Variants in TRIP11 observed in about 807,000 individuals in gnomAD.
TRIP11 encodes the protein thyroid receptor-interacting protein 11.
A neutral mutation model predicts 223.1 loss-of-function variants in TRIP11; 148 were observed. The observed-to-expected ratio is 0.66, with a 90% CI of 0.58 to 0.76. The LOEUF (loss-of-function observed/expected upper bound fraction) is 0.76. Ranked by LOEUF, TRIP11 falls within the 30% of genes least tolerant of loss-of-function variation. The probability of loss-of-function intolerance (pLI) is 0.00; values close to 1 mark genes in which losing one functional copy is unlikely to be tolerated. For synonymous variants in TRIP11, 762 were observed against 772.6 expected (o/e 0.99, Z 0.23); for missense variants, 2,043 against 2,222.0 (o/e 0.92, Z 1.62).
At chr14:92,007,149 C>T (rs1043648496) in intron 10 of TRIP11, among the ~76,000 whole-genome samples, 2 of 151,864 alleles carry the variant, frequency 1.3e-5, no homozygotes, top group African/African-American at 2.4e-5. Flanking sequence ...CTCAGCCTCC[C>T]GAGTAGCTGG....
At chr14:92,036,141 T>G (rs7151444) in intron 1 of TRIP11, among the ~76,000 whole-genome samples, 68,701 of 152,004 alleles carry the variant, frequency 0.45, 16,908 homozygotes, top group African/African-American at 0.66. Context: ...AGAGGACAAG[T>G]TATAATCTAA....
At chr14:92,025,971 T>C (rs925630497) in intron 2 of TRIP11, among the ~76,000 whole-genome samples, 2 of 152,038 alleles carry the variant, frequency 1.3e-5, no homozygotes, top group East Asian at 1.9e-4. Context: ...TTTGCTCAGA[T>C]TGATTTTCTG....
chr14:92,003,143 G>A (rs888648560), intron 11 of TRIP11, among the ~76,000 whole-genome samples: 1 of 152,094 alleles, frequency 6.6e-6, no homozygotes, highest in Admixed American at 6.5e-5. Flanking sequence ...TCTCTCATGA[G>A]ACACATCTGT....
chr14:92,021,426 ATTAG>A (rs2057113208), intron 4 of TRIP11, 126 bp downstream of exon 4: 11 of 879,520 alleles, frequency 1.3e-5, no homozygotes, highest in Admixed American at 2.7e-5. Context: ...CACTGACGGA[ATTAG>A]AATACACCTT....
chr14:92,014,547 G>C lies in TRIP11; in HGVS notation c.854C>G (p.Ser285Cys). The C allele has an allele frequency of 3.1e-6, 5 of 1,602,680 alleles. No homozygotes were observed. Among genetic ancestry groups the C allele is most frequent in the Non-Finnish European group, 4.2e-6 (5 of 1,177,602 alleles). ...AGTTTTTTGCATCTCATAGATTTTA[G>C]AGAGATCAGTTTCTATAACTCCAGA... ...GGSGVIETDL[S>C]KIYEMQKTIQ... The change falls in exon 7 of 21, where the codon TCT becomes TGT. Residue 285 changes from serine (S) to cysteine (C), a missense_variant. Ser to Cys is a moderately radical substitution (Grantham distance 112). Transcript: ENST00000267622.
intron 13 of TRIP11, among the ~76,000 whole-genome samples, chr14:91,998,150 T>C (rs1054810244): frequency 1.3e-5 from 2 of 152,202 alleles, no homozygotes; most frequent in African/African-American, 4.8e-5. Context: ...TCTCATTTTA[T>C]CTCCCTTTGT....
chr14:91,970,303 C>T (rs1246675653), intron 20 of TRIP11, among the ~76,000 whole-genome samples: 1 of 152,008 alleles, frequency 6.6e-6, no homozygotes, highest in East Asian at 1.9e-4. Flanking sequence ...ATCCCAGCTA[C>T]TTGGGAGGCT....
At position 92,015,756 on chromosome 14, in the gene TRIP11, G is replaced by A. The variant is rs2140131376; in HGVS notation, c.763C>T (p.Arg255Ter). ...TCTTCATAGTCACTTAATTCTTCTC[G>A]ATGTCGTCGACTTATTTCTGTCAAT... ...QKLTEISRRH[R>*]EELSDYEERI... The change falls in exon 6 of 21, where the codon CGA (arginine) becomes TGA (stop). Residue 255 changes from arginine to a stop codon, truncating the protein, a stop_gained. Coordinates refer to ENST00000267622, the MANE Select transcript of TRIP11 (RefSeq NM_004239.4). LOFTEE classifies it high-confidence loss of function. 9.9e-6 allele frequency: 16 copies of A among 1,613,358 alleles called. No homozygotes were observed. Among genetic ancestry groups the A allele is most frequent in the African/African-American group, 2.7e-5 (2 of 75,000 alleles).
chr14:92,039,796 C>G lies in TRIP11; in HGVS notation c.-111G>C. ...ACGCCTGCCTTCGCGAGACAGGATA[C>G]GATAACACAAAGCTGGGTTCTCAGG... On this transcript the variant is annotated 5_prime_UTR_variant, in exon 1 of 21. Transcript: ENST00000267622. 3.9e-6 allele frequency: 6 copies of G among 1,547,214 alleles called. No homozygotes were observed. Among genetic ancestry groups the G allele is most frequent in the Non-Finnish European group, 4.4e-6 (5 of 1,145,168 alleles).
intron 2 of TRIP11, chr14:92,026,695 G>A (rs1033473453): frequency 8.8e-6 from 9 of 1,025,612 alleles, no homozygotes; most frequent in African/African-American, 6.3e-5. Context: ...GGAGCAAGAG[G>A]CTGACAATGA....
intron 6 of TRIP11, 24 bp downstream of exon 6, chr14:92,015,672 T>C (rs1482900800): frequency 1.3e-6 from 2 of 1,559,576 alleles, no homozygotes; most frequent in East Asian, 4.8e-5. Flanking sequence ...AAAATAATAA[T>C]AATAAAGAAA....
intron 17 of TRIP11, 127 bp from the exon 18 acceptor site, chr14:91,975,413 A>C (rs1307563748): frequency 3.9e-6 from 2 of 510,306 alleles, no homozygotes; most frequent in Admixed American, 7.1e-5. Context: ...TAAACAAAAT[A>C]TTTTAAAGTG....
intron 15 of TRIP11, among the ~76,000 whole-genome samples, chr14:91,992,972 G>C (rs189648803): frequency 3.2e-3 from 433 of 136,336 alleles, no homozygotes; most frequent in Non-Finnish European, 5.4e-3. Context: ...AAAGCACGTT[G>C]TTTTGGTGTC....
chr14:92,015,823 A>G lies in TRIP11; in HGVS notation c.696T>C (p.His232=), dbSNP rs1000997806. The G allele has an allele frequency of 3.7e-6, 6 of 1,612,766 alleles. No homozygotes were observed. The highest frequency in any genetic ancestry group is 5.1e-6 in the Non-Finnish European group (6 of 1,179,824). ...KQNRSQEIDD[H]QHEMSVLQNA... is the part of the protein sequence containing the mutation. ...TCTGCAGTACTGACATTTCATGTTGATGGTCATCAATTTCCTGACTTCGGT... is the reference window on the plus strand; with the variant it reads ...TCTGCAGTACTGACATTTCATGTTGGTGGTCATCAATTTCCTGACTTCGGT... The change falls in exon 6 of 21, where the codon CAT becomes CAC. Residue 232 remains histidine, a synonymous_variant. Transcript: ENST00000267622.
chr14:92,017,556 A>G (rs1055161293), intron 5 of TRIP11, 126 bp downstream of exon 5: 47 of 752,452 alleles, frequency 6.2e-5, no homozygotes, highest in Admixed American at 1.5e-4. Context: ...TAAAAGAAAA[A>G]GAAGTACCAT....
intron 16 of TRIP11, among the ~76,000 whole-genome samples, chr14:91,977,814 C>T (rs535078407): frequency 5.3e-5 from 8 of 152,188 alleles, no homozygotes; most frequent in East Asian, 3.9e-4. Flanking sequence ...GTACTAAATT[C>T]GTATATAAAA....
intron 3 of TRIP11, among the ~76,000 whole-genome samples, chr14:92,024,526 T>C (rs1002706005): frequency 1.3e-5 from 2 of 152,322 alleles, no homozygotes; most frequent in South Asian, 2.1e-4. Flanking sequence ...ATGTATATCT[T>C]TAACGTGCTA....
At position 92,003,573 on chromosome 14, in the gene TRIP11, A is replaced by C. The variant is rs2056855985; in HGVS notation, c.4403T>G (p.Ile1468Arg). 1 of 1,613,764 alleles carries C rather than the reference A, an allele frequency of 6.2e-7. No homozygotes were observed. Among genetic ancestry groups the C allele is most frequent in the Non-Finnish European group, 8.5e-7 (1 of 1,179,964 alleles). ...IGKLKGENEK[I>R]VETYRGKETE... ...TTCCTTTCCCCTGTATGTTTCCACT[A>C]TTTTTTCATTTTCTCCTTTTAGTTT... The change falls in exon 11 of 21, where the codon ATA becomes AGA. Residue 1468 changes from isoleucine (I) to arginine (R), a missense_variant. Coordinates refer to ENST00000267622, the MANE Select transcript of TRIP11 (RefSeq NM_004239.4).
intron 16 of TRIP11, among the ~76,000 whole-genome samples, chr14:91,986,253 C>T (rs1344011371): frequency 6.6e-6 from 1 of 152,144 alleles, no homozygotes; most frequent in East Asian, 1.9e-4. Flanking sequence ...CTAGTGGGGG[C>T]TTAAATGAGT....
Sources: gnomAD v4.1 joint callset for allele counts (sites outside exome capture counted in the v4.1 genomes callset) on GRCh38, gnomAD v4.1.1 for gene constraint, MANE v1.5 for transcripts, NCBI Gene and HGNC (gene_info 2026-07-23, HGNC 2026-07-21) for gene names.